Variants in PTPRG observed in about 807,000 individuals in gnomAD.
The protein encoded by PTPRG is protein tyrosine phosphatase receptor type G.
In PTPRG, 102 loss-of-function variants were observed where a neutral mutation model predicts 165.3. That is an observed-to-expected ratio of 0.62 (90% CI 0.53 to 0.73). PTPRG has a LOEUF of 0.73. PTPRG is among the 30% of genes least tolerant of loss of function. The probability of loss-of-function intolerance (pLI) is 0.00; values close to 1 mark genes in which losing one functional copy is unlikely to be tolerated. For synonymous variants in PTPRG, 675 were observed against 669.5 expected (o/e 1.01, Z -0.13); for missense variants, 1,866 against 1,861.4 (o/e 1.00, Z -0.05).
intron 1 of PTPRG, among the ~76,000 whole-genome samples, chr3:61,711,091 G>A (rs756467006): frequency 1.4e-4 from 22 of 152,062 alleles, no homozygotes; most frequent in Non-Finnish European, 2.6e-4. Context: ...TCCCTGCAAC[G>A]GACATAAACT....
chr3:62,127,914 G>T (rs1703371125), intron 5 of PTPRG, among the ~76,000 whole-genome samples: 1 of 152,104 alleles, frequency 6.6e-6, no homozygotes. Context: ...TGATAGCTTG[G>T]CTACTAATTT....
At chr3:62,220,748 G>A (rs1255243732) in intron 13 of PTPRG, among the ~76,000 whole-genome samples, 4 of 152,194 alleles carry the variant, frequency 2.6e-5, no homozygotes, top group African/African-American at 7.2e-5. Flanking sequence ...GCCACCTAGT[G>A]TGAGTTTAAC....
chr3:61,884,360 A>AT (rs1251658640), intron 2 of PTPRG, among the ~76,000 whole-genome samples: 4 of 152,214 alleles, frequency 2.6e-5, no homozygotes, highest in Non-Finnish European at 5.9e-5. Context: ...TTATCTGAGC[A>AT]TATGTTGGGT....
intron 2 of PTPRG, among the ~76,000 whole-genome samples, chr3:61,849,216 A>C (rs192745367): frequency 3.0e-4 from 45 of 152,292 alleles, no homozygotes; most frequent in Non-Finnish European, 6.2e-4. Context: ...GTTTCTCCTA[A>C]ATTTGTACAG....
chr3:61,644,959 G>C (rs1702161823), intron 1 of PTPRG, among the ~76,000 whole-genome samples: 1 of 152,184 alleles, frequency 6.6e-6, no homozygotes. Context: ...GGACATTAGA[G>C]CTGCTTGGTT....
intron 2 of PTPRG, among the ~76,000 whole-genome samples, chr3:61,910,681 C>T (rs1296033598): frequency 2.0e-5 from 3 of 152,098 alleles, no homozygotes; most frequent in African/African-American, 7.2e-5. Flanking sequence ...GAGGCTCCTC[C>T]TAGAATTTCT....
chr3:61,985,965 G>C (rs145554380), intron 2 of PTPRG, among the ~76,000 whole-genome samples: 1 of 152,096 alleles, frequency 6.6e-6, no homozygotes, highest in East Asian at 1.9e-4. Flanking sequence ...AGTGAAGAAC[G>C]AAAAGGAGTA....
intron 1 of PTPRG, 124 bp downstream of exon 1, chr3:61,562,496 G>A (rs1699783825): frequency 1.2e-6 from 1 of 829,194 alleles, no homozygotes. Context: ...AGGGTGGCCC[G>A]GCGCCCGGAT....
intron 1 of PTPRG, among the ~76,000 whole-genome samples, chr3:61,584,669 G>A (rs1406068057): frequency 2.0e-5 from 3 of 151,556 alleles, no homozygotes; most frequent in Non-Finnish European, 4.4e-5. Context: ...TTGATCTAAG[G>A]CCTTGTTACC....
intron 5 of PTPRG, among the ~76,000 whole-genome samples, chr3:62,098,545 G>C (rs1021849402): frequency 6.6e-6 from 1 of 152,056 alleles, no homozygotes. Flanking sequence ...CTTGGCCCCA[G>C]CTTTTATTCT....
intron 8 of PTPRG, among the ~76,000 whole-genome samples, chr3:62,180,638 G>C (rs1295121267): frequency 6.6e-6 from 1 of 152,184 alleles, no homozygotes; most frequent in Non-Finnish European, 1.5e-5. Flanking sequence ...CTTCCACCCA[G>C]CGTCCAAGAT....
intron 1 of PTPRG, among the ~76,000 whole-genome samples, chr3:61,684,130 T>C (rs1703543844): frequency 1.3e-5 from 2 of 152,210 alleles, no homozygotes; most frequent in African/African-American, 4.8e-5. Flanking sequence ...CTATCAGAGA[T>C]GTTTCCTGGA....
chr3:61,657,951 G>A lies in PTPRG; in HGVS notation c.86-90927G>A, dbSNP rs536018398. Among the ~76,000 whole-genome samples the A allele has an allele frequency of 4.6e-4, 70 of 152,278 alleles. 4 individuals carry two copies. The South Asian group carries it at 0.015, about 32-fold the overall frequency. On this transcript the variant is annotated intron_variant, in intron 1 of 29. Transcript: ENST00000474889. The stretch of plus-strand genomic sequence containing the variant: ...GCAGTGTGACCCTGGTTGTGCTGCT[G>A]TGGGTGACATGAGTGTGCATGTGGA...
At chr3:62,065,304 C>G in intron 4 of PTPRG, among the ~76,000 whole-genome samples, 1 of 152,076 alleles carries the variant, frequency 6.6e-6, no homozygotes, top group East Asian at 1.9e-4. Flanking sequence ...GCTTGTGGAG[C>G]CCTTGAAGAT....
intron 2 of PTPRG, among the ~76,000 whole-genome samples, chr3:61,961,853 G>T (rs141298394): frequency 6.6e-6 from 1 of 152,302 alleles, no homozygotes; most frequent in African/African-American, 2.4e-5. Flanking sequence ...TCTGGGGTGT[G>T]TGCCACTGTC....
rs1364481850 is a variant in PTPRG at position 62,229,459 on chromosome 3, T to C, written c.2289-1766T>C. On this transcript the variant is annotated intron_variant, in intron 13 of 29. Coordinates refer to ENST00000474889, the MANE Select transcript of PTPRG (RefSeq NM_002841.4). The surrounding 1 kb of genome is among the most constrained non-coding windows in gnomAD (Gnocchi z 4.6). ...GAAGCTCTTGGAACAAGCTAACACATAGTCATTAGACAAAAGCGGAAAGAG... is the reference window on the plus strand; with the variant it reads ...GAAGCTCTTGGAACAAGCTAACACACAGTCATTAGACAAAAGCGGAAAGAG... 6.6e-6 allele frequency among the ~76,000 whole-genome samples: 1 copy of C among 152,204 alleles called. No individual in the cohort carries two copies. The highest frequency in any genetic ancestry group is 2.4e-5 in the African/African-American group (1 of 41,444).
intron 3 of PTPRG, among the ~76,000 whole-genome samples, chr3:61,997,618 T>C (rs1006168769): frequency 6.6e-6 from 1 of 152,202 alleles, no homozygotes; most frequent in Non-Finnish European, 1.5e-5. Flanking sequence ...TGCTACCCCT[T>C]GTCCCACTAG....
chr3:61,582,036 C>T (rs1200665308), intron 1 of PTPRG, among the ~76,000 whole-genome samples: 2 of 151,948 alleles, frequency 1.3e-5, no homozygotes, highest in Non-Finnish European at 2.9e-5. Context: ...GGCGTGATCT[C>T]CCCTCATTGC....
chr3:62,142,417 C>T (rs1703965856), intron 6 of PTPRG, among the ~76,000 whole-genome samples: 1 of 152,074 alleles, frequency 6.6e-6, no homozygotes, highest in Non-Finnish European at 1.5e-5. Flanking sequence ...GTTGGTCACA[C>T]ACCCACACAC....
Sources: gnomAD v4.1 joint callset for allele counts (sites outside exome capture counted in the v4.1 genomes callset) on GRCh38, gnomAD v4.1.1 for gene constraint, Gnocchi (gnomAD v3.1) non-coding constraint, MANE v1.5 for transcripts, NCBI Gene and HGNC (gene_info 2026-07-23, HGNC 2026-07-21) for gene names.